Variants in KCNQ3 observed in about 807,000 individuals in gnomAD.
KCNQ3 encodes potassium voltage-gated channel subfamily KQT member 3.
In KCNQ3, 30 loss-of-function variants were observed where a neutral mutation model predicts 92.5. The ratio of observed to expected loss-of-function variants is 0.32; its 90% CI spans 0.24 to 0.44. The LOEUF (loss-of-function observed/expected upper bound fraction) is 0.44. KCNQ3 is among the 20% of genes least tolerant of loss of function. KCNQ3 has a pLI of 1.00. For synonymous variants in KCNQ3, 450 were observed against 468.8 expected (o/e 0.96, Z 0.52); for missense variants, 913 against 1,140.3 (o/e 0.80, Z 2.87).
chr8:132,289,328 C>T lies in KCNQ3; in HGVS notation c.387-103147G>A, dbSNP rs577273315. Among the ~76,000 whole-genome samples the T allele has an allele frequency of 3.3e-5, 5 of 152,284 alleles. No homozygotes were observed. The South Asian group carries it at 1.0e-3, about 32-fold the overall frequency. On this transcript the variant is annotated intron_variant, in intron 1 of 14. Transcript: ENST00000388996. Reference sequence around the variant, plus strand: ...AATTTCAGTATAAAGTTTCCTATGGCTGCTGTAACAAGTTACCCAAAGTTG... The same window carrying T: ...AATTTCAGTATAAAGTTTCCTATGGTTGCTGTAACAAGTTACCCAAAGTTG...
At chr8:132,404,028 G>C (rs1820413377) in intron 1 of KCNQ3, among the ~76,000 whole-genome samples, 1 of 152,126 alleles carries the variant, frequency 6.6e-6, no homozygotes, top group African/African-American at 2.4e-5. Context: ...GCCCCATTCT[G>C]TACATCTCCA....
intron 1 of KCNQ3, among the ~76,000 whole-genome samples, chr8:132,451,377 C>T (rs551960924): frequency 9.8e-5 from 15 of 152,312 alleles, no homozygotes; most frequent in Non-Finnish European, 2.1e-4. Flanking sequence ...CTAACACAAT[C>T]GGGCTCAAGA....
chr8:132,223,328 A>C (rs1814298730), intron 1 of KCNQ3, among the ~76,000 whole-genome samples: 1 of 152,234 alleles, frequency 6.6e-6, no homozygotes, highest in Non-Finnish European at 1.5e-5. Flanking sequence ...CTTGCTGTCC[A>C]GCAGGGAAGC....
At position 132,409,460 on chromosome 8, in the gene KCNQ3, T is replaced by TA. The variant is rs373219048; in HGVS notation, c.386+70686dup. ...TTGACCTAACTTCCTAGATCTCCTG[T>TA]AAAAAAAAAAAAAATAGCTCATCCT... On this transcript the variant is annotated intron_variant, in intron 1 of 14. Coordinates refer to ENST00000388996, the MANE Select transcript of KCNQ3 (RefSeq NM_004519.4). Among the ~76,000 whole-genome samples the TA allele has an allele frequency of 6.0e-3, 861 of 142,652 alleles. 6 individuals carry two copies. The highest frequency in any genetic ancestry group is 0.014 in the Middle Eastern group (4 of 280). 93.6% of individuals were successfully genotyped at this position (142,652 alleles called of 152,430 possible).
intron 1 of KCNQ3, among the ~76,000 whole-genome samples, chr8:132,230,495 C>T (rs532990365): frequency 3.9e-4 from 59 of 150,204 alleles, no homozygotes; most frequent in African/African-American, 1.4e-3. Context: ...ATCCTTTAAC[C>T]TCTTACCATA....
chr8:132,364,433 G>C (rs1466813296), intron 1 of KCNQ3, among the ~76,000 whole-genome samples: 1 of 152,172 alleles, frequency 6.6e-6, no homozygotes, highest in East Asian at 1.9e-4. Flanking sequence ...GCCTTTCACT[G>C]AGAAAATGTT....
rs1825761223 is a variant in KCNQ3, at chr8:132,155,064, T to C, written c.1262+8404A>G. On this transcript the variant is annotated intron_variant, in intron 9 of 14. Transcript: ENST00000388996. ...TTCTTCCCTGTTCTCTCGTTTCTGG[T>C]AGAGCTTAAGAGTTTCCTTCCTTTG... 2.0e-5 allele frequency among the ~76,000 whole-genome samples: 3 copies of C among 152,220 alleles called. No homozygotes were observed. The South Asian group carries it at 6.2e-4, about 31-fold the overall frequency.
chr8:132,263,105 C>T (rs192897818), intron 1 of KCNQ3, among the ~76,000 whole-genome samples: 21 of 152,266 alleles, frequency 1.4e-4, no homozygotes, highest in South Asian at 6.2e-4. Flanking sequence ...TCCCACTGAG[C>T]GCAATTAAGC....
chr8:132,154,193 G>GTTTTTTTT lies in KCNQ3; in HGVS notation c.1262+9267_1262+9274dup, dbSNP rs869112851. Among the ~76,000 whole-genome samples the GTTTTTTTT allele has an allele frequency of 6.6e-4, 18 of 27,476 alleles. 2 individuals are homozygous for GTTTTTTTT. The highest frequency in any genetic ancestry group is 1.2e-3 in the East Asian group (1 of 844). The allele number at this position is 27,476 out of a possible 152,430, so 18.0% of individuals were successfully genotyped here. On this transcript the variant is annotated intron_variant, in intron 9 of 14. Coordinates refer to ENST00000388996, the MANE Select transcript of KCNQ3 (RefSeq NM_004519.4). ...CTGATGTACCATCAAAAGGGTAAAA[G>GTTTTTTTT]TTTTTTTTTTTTTTTTTTTTTTTTT...
chr8:132,228,538 C>T (rs369828793), intron 1 of KCNQ3, among the ~76,000 whole-genome samples: 15 of 151,996 alleles, frequency 9.9e-5, no homozygotes, highest in South Asian at 2.1e-4. Flanking sequence ...AATTACTACA[C>T]GGAAATACTT....
intron 9 of KCNQ3, among the ~76,000 whole-genome samples, chr8:132,156,398 G>GGACTCT (rs1275953668): frequency 2.0e-5 from 3 of 151,998 alleles, no homozygotes; most frequent in Admixed American, 2.0e-4. Context: ...GTCTGACTCT[G>GGACTCT]GACTCTGTCC....
At chr8:132,245,962 GAATA>G (rs1815159695) in intron 1 of KCNQ3, among the ~76,000 whole-genome samples, 1 of 145,612 alleles carries the variant, frequency 6.9e-6, no homozygotes, top group African/African-American at 2.5e-5. Context: ...AGTAGTTGGT[GAATA>G]AATATTCACC....
intron 1 of KCNQ3, among the ~76,000 whole-genome samples, chr8:132,227,728 A>G (rs147937162): frequency 1.1e-4 from 16 of 152,276 alleles, no homozygotes; most frequent in African/African-American, 3.9e-4. Flanking sequence ...AGTCCATCTC[A>G]GTTCCTCATT....
chr8:132,235,480 G>A (rs1391081078), intron 1 of KCNQ3, among the ~76,000 whole-genome samples: 5 of 152,118 alleles, frequency 3.3e-5, no homozygotes, highest in Non-Finnish European at 7.3e-5. Flanking sequence ...TAGCCTGGGC[G>A]ACAGAGTGAG....
At chr8:132,350,584 G>A (rs1818831097) in intron 1 of KCNQ3, among the ~76,000 whole-genome samples, 1 of 152,194 alleles carries the variant, frequency 6.6e-6, no homozygotes, top group African/African-American at 2.4e-5. Context: ...AACCAGGCAA[G>A]CGGGGCTCTT....
At chr8:132,244,072 C>T (rs1563821947) in intron 1 of KCNQ3, among the ~76,000 whole-genome samples, 1 of 152,082 alleles carries the variant, frequency 6.6e-6, no homozygotes, top group African/African-American at 2.4e-5. Context: ...AGGACTGAGG[C>T]CCCTGGTCCT....
At chr8:132,475,309 T>C (rs1376704585) in intron 1 of KCNQ3, among the ~76,000 whole-genome samples, 3 of 152,164 alleles carry the variant, frequency 2.0e-5, no homozygotes, top group Non-Finnish European at 4.4e-5. Flanking sequence ...AACTGGGTAA[T>C]GGGCAGAGGT....
At chr8:132,165,759 A>C (rs558185943) in intron 8 of KCNQ3, among the ~76,000 whole-genome samples, 1 of 152,224 alleles carries the variant, frequency 6.6e-6, no homozygotes, top group Non-Finnish European at 1.5e-5. Flanking sequence ...CTGAGTTCCA[A>C]TCTTTGTTCC....
At chr8:132,453,968 C>T (rs746986571) in intron 1 of KCNQ3, among the ~76,000 whole-genome samples, 7 of 152,172 alleles carry the variant, frequency 4.6e-5, no homozygotes, top group African/African-American at 7.2e-5. Context: ...GAACTCAGCT[C>T]GGACACTGCA....
Sources: gnomAD v4.1 joint callset for allele counts (sites outside exome capture counted in the v4.1 genomes callset) on GRCh38, gnomAD v4.1.1 for gene constraint, MANE v1.5 for transcripts, NCBI Gene and HGNC (gene_info 2026-07-23, HGNC 2026-07-21) for gene names.